The following TBXAS1 variants were observed in gnomAD, a reference collection of about 807,000 sequenced individuals.
TBXAS1 encodes the protein thromboxane A synthase 1, also known as thromboxane-A synthase.
Under a neutral mutation model 60.7 loss-of-function variants are expected in TBXAS1, and 48 were observed. The observed-to-expected ratio is 0.79, with a 90% CI of 0.63 to 1.01. The LOEUF (loss-of-function observed/expected upper bound fraction) is 1.01. Among genes scored for constraint, TBXAS1 ranks in the 50% least tolerant of loss-of-function variants. The pLI is 0.00. For synonymous variants in TBXAS1, 287 were observed against 269.7 expected, an observed-to-expected ratio of 1.06 and a Z score of -0.63; for missense variants, 685 against 686.3, an observed-to-expected ratio of 1.00 and a Z score of 0.02.
chr7:139,793,976 G>A (rs150173732), intron 4 of TBXAS1, among the ~76,000 whole-genome samples: 1 of 152,296 alleles, frequency 6.6e-6, no homozygotes, highest in African/African-American at 2.4e-5. Flanking sequence ...CAAAGAAGTG[G>A]CAAAGAGAAT....
chr7:140,009,400 G>A (rs1440838053), intron 10 of TBXAS1, among the ~76,000 whole-genome samples: 1 of 152,112 alleles, frequency 6.6e-6, no homozygotes, highest in Non-Finnish European at 1.5e-5. Flanking sequence ...GGCTGGCCCT[G>A]CAGAAGCAGG....
Position 139,829,342 on chromosome 7 carries a change from G to A in TBXAS1, c.-49G>A, listed in dbSNP as rs765151274. ...GGTTCCCATAAGGGCGGCGAGATCA[G>A]CCTCCTGTCTCATCTGGAAGACCAC... On this transcript the variant is annotated 5_prime_UTR_variant, in exon 1 of 13. Coordinates refer to ENST00000448866, the MANE Select transcript of TBXAS1 (RefSeq NM_001061.7). The A allele has an allele frequency of 1.9e-5, 30 of 1,579,228 alleles. No individual in the cohort carries two copies. The highest frequency in any genetic ancestry group is 2.4e-5 in the Non-Finnish European group (28 of 1,153,382).
Position 139,833,938 on chromosome 7 carries a change from A to T in TBXAS1, c.89+4459A>T, listed in dbSNP as rs553223643. Among the ~76,000 whole-genome samples, 5 of 152,322 alleles carry T rather than the reference A, an allele frequency of 3.3e-5. No homozygotes were observed. In the East Asian group the frequency reaches 5.8e-4, roughly 18 times the overall value. On this transcript the variant is annotated intron_variant, in intron 1 of 12. Coordinates refer to ENST00000448866, the MANE Select transcript of TBXAS1 (RefSeq NM_001061.7). ...GTCAGCAAAGAAACAATGGATTTAA[A>T]CTATACCTTGGAACAAATGGACCTA...
chr7:139,874,657 A>G (rs1429962433), intron 2 of TBXAS1, among the ~76,000 whole-genome samples: 1 of 151,778 alleles, frequency 6.6e-6, no homozygotes, highest in Non-Finnish European at 1.5e-5. Context: ...CCCATACTCC[A>G]TTCTCACAAC....
intron 1 of TBXAS1, among the ~76,000 whole-genome samples, chr7:139,855,607 A>G (rs1446248740): frequency 6.6e-6 from 1 of 152,180 alleles, no homozygotes; most frequent in Non-Finnish European, 1.5e-5. Context: ...TCTGAGCTGC[A>G]GCCTAGAAAG....
chr7:140,008,157 T>G (rs1203149870), intron 10 of TBXAS1, among the ~76,000 whole-genome samples: 1 of 152,246 alleles, frequency 6.6e-6, no homozygotes, highest in East Asian at 1.9e-4. Context: ...TGTGGATGAT[T>G]TGAGGGTATC....
At chr7:139,806,246 T>TTTTATTTTATTTTAA (rs893800889) in intron 4 of TBXAS1, among the ~76,000 whole-genome samples, 3 of 137,078 alleles carry the variant, frequency 2.2e-5, no homozygotes, top group African/African-American at 8.5e-5. Context: ...GCCTATGTTA[T>TTTTATTTTATTTTAA]TTTATTTTAT....
intron 10 of TBXAS1, among the ~76,000 whole-genome samples, chr7:140,014,387 A>G (rs1313666009): frequency 6.6e-6 from 1 of 152,154 alleles, no homozygotes; most frequent in Non-Finnish European, 1.5e-5. Flanking sequence ...GTCTGTGGGT[A>G]GAAATTGGAA....
chr7:139,859,056 A>G (rs550303378), intron 1 of TBXAS1, among the ~76,000 whole-genome samples: 62 of 151,950 alleles, frequency 4.1e-4, no homozygotes, highest in African/African-American at 1.2e-3. Context: ...TGTATTTTTA[A>G]TAGAGGTGGA....
upstream of TBXAS1, among the ~76,000 whole-genome samples, chr7:139,828,856 G>A (rs1798527258): frequency 6.6e-6 from 1 of 152,156 alleles, no homozygotes; most frequent in Admixed American, 6.5e-5. Flanking sequence ...AAAGCAGCCA[G>A]CATTTTGATC....
rs1475948575 is a variant in TBXAS1 at position 139,830,558 on chromosome 7, T to A, written c.89+1079T>A. On this transcript the variant is annotated intron_variant, in intron 1 of 12. Coordinates refer to ENST00000448866, the MANE Select transcript of TBXAS1 (RefSeq NM_001061.7). ...GTTTAATTTTTTTTTTGAACTTTTT[T>A]ATCTCATTGTAGCTTACCTTGGATT... 2.6e-5 allele frequency among the ~76,000 whole-genome samples: 4 copies of A among 152,102 alleles called. No individual in the cohort carries two copies. In the East Asian group the frequency reaches 5.8e-4, roughly 22 times the overall value.
intron 1 of TBXAS1, among the ~76,000 whole-genome samples, chr7:139,848,048 T>G (rs998179318): frequency 6.6e-6 from 1 of 152,174 alleles, no homozygotes; most frequent in African/African-American, 2.4e-5. Context: ...CTCAAGCTCT[T>G]GGCCTCAAGT....
intron 9 of TBXAS1, among the ~76,000 whole-genome samples, chr7:139,992,789 T>C (rs1813016691): frequency 6.6e-6 from 1 of 152,184 alleles, no homozygotes; most frequent in Admixed American, 6.5e-5. Context: ...CGAGAAGCCA[T>C]GTAAGGTAGA....
chr7:139,910,388 G>A (rs1038839606), intron 3 of TBXAS1, among the ~76,000 whole-genome samples: 1 of 152,180 alleles, frequency 6.6e-6, no homozygotes, highest in South Asian at 2.1e-4. Flanking sequence ...TGTAATCCCA[G>A]CACTTTGGGA....
At chr7:140,009,986 A>G (rs1476617826) in intron 10 of TBXAS1, among the ~76,000 whole-genome samples, 1 of 53,012 alleles carries the variant, frequency 1.9e-5, no homozygotes, top group Admixed American at 2.4e-4. Flanking sequence ...CACCTGCCCC[A>G]CACCCGCTCC....
intron 3 of TBXAS1, among the ~76,000 whole-genome samples, chr7:139,784,025 T>G (rs1797092220): frequency 6.8e-6 from 1 of 147,576 alleles, no homozygotes; most frequent in Non-Finnish European, 1.5e-5. Context: ...TTTTTTTTTT[T>G]GTATTTTTTC....
At chr7:139,813,392 C>T (rs1385025612) in intron 4 of TBXAS1, among the ~76,000 whole-genome samples, 1 of 152,186 alleles carries the variant, frequency 6.6e-6, no homozygotes, top group Admixed American at 6.5e-5. Flanking sequence ...GGGCTGCTGC[C>T]TGGCTGAGGA....
chr7:139,959,623 C>G (rs972575964), intron 8 of TBXAS1, among the ~76,000 whole-genome samples: 1 of 152,196 alleles, frequency 6.6e-6, no homozygotes, highest in Non-Finnish European at 1.5e-5. Context: ...TCTGACAGCC[C>G]TTTAGCAGTC....
At chr7:139,969,392 G>T (rs1342006058) in intron 9 of TBXAS1, among the ~76,000 whole-genome samples, 4 of 145,388 alleles carry the variant, frequency 2.8e-5, no homozygotes, top group African/African-American at 1.0e-4. Context: ...TGTGAGCAAG[G>T]TTGAGGATTT....
Sources: gnomAD v4.1 joint callset for allele counts (sites outside exome capture counted in the v4.1 genomes callset) on GRCh38, gnomAD v4.1.1 for gene constraint, MANE v1.5 for transcripts, NCBI Gene and HGNC (gene_info 2026-07-23, HGNC 2026-07-21) for gene names.